Variants in LIN52 observed in about 807,000 individuals in gnomAD.
LIN52 encodes protein lin-52 homolog.
A neutral mutation model predicts 18.5 loss-of-function variants in LIN52; 4 were observed. The ratio of observed to expected loss-of-function variants is 0.22; its 90% confidence interval spans 0.11 to 0.49. The LOEUF (loss-of-function observed/expected upper bound fraction) is 0.49, where lower values mean the gene tolerates loss of function less well. LIN52 is among the 20% of genes least tolerant of loss of function. The pLI is 0.97. For synonymous variants in LIN52, 34 were observed against 45.5 expected, an observed-to-expected ratio of 0.75 and a Z score of 1.02; for missense variants, 102 against 139.5, an observed-to-expected ratio of 0.73 and a Z score of 1.35.
intron 5 of LIN52, among the ~76,000 whole-genome samples, chr14:74,165,194 G>A (rs1429764404): frequency 6.6e-6 from 1 of 152,106 alleles, no homozygotes; most frequent in African/African-American, 2.4e-5. Context: ...GTTAATTTAA[G>A]TTACCATGTA....
rs112440374 is a variant in LIN52 at position 74,104,516 on chromosome 14, G to A, written c.283+3278G>A. On this transcript the variant is annotated intron_variant, in intron 5 of 5. Coordinates refer to ENST00000555028, the MANE Select transcript of LIN52 (RefSeq NM_001024674.3). ...TTTTGTTGATTACATTCCTGTGGTA[G>A]AGCTTAACATGTTCACCTATCCCTT... is the stretch of plus-strand genomic sequence containing the variant. Among the ~76,000 whole-genome samples the A allele has an allele frequency of 2.0e-3, 296 of 150,564 alleles. 2 individuals are homozygous for A. Among genetic ancestry groups the A allele is most frequent in the African/African-American group, 6.9e-3 (284 of 41,138 alleles).
chr14:74,099,478 G>C (rs1192549655), intron 4 of LIN52, among the ~76,000 whole-genome samples: 1 of 152,084 alleles, frequency 6.6e-6, no homozygotes, highest in South Asian at 2.1e-4. Flanking sequence ...TTTTTAGTGA[G>C]GGATCATAGC....
chr14:74,121,720 ACTTT>A (rs2061000625), intron 5 of LIN52, among the ~76,000 whole-genome samples: 3 of 134,874 alleles, frequency 2.2e-5, no homozygotes, highest in African/African-American at 8.3e-5. Context: ...ACACACCTTC[ACTTT>A]CTTTTTTTTT....
At chr14:74,172,966 T>C (rs2061277933) in intron 5 of LIN52, among the ~76,000 whole-genome samples, 1 of 152,142 alleles carries the variant, frequency 6.6e-6, no homozygotes, top group South Asian at 2.1e-4. Flanking sequence ...TAAAATTGTA[T>C]CCAATAAATA....
intron 5 of LIN52, among the ~76,000 whole-genome samples, chr14:74,128,896 C>T (rs2061043923): frequency 6.6e-6 from 1 of 152,084 alleles, no homozygotes; most frequent in African/African-American, 2.4e-5. Flanking sequence ...GAGCCAAGAT[C>T]GCACCACTGC....
At chr14:74,086,624 C>A (rs1171934725) in intron 1 of LIN52, among the ~76,000 whole-genome samples, 1 of 151,574 alleles carries the variant, frequency 6.6e-6, no homozygotes, top group Non-Finnish European at 1.5e-5. Flanking sequence ...CACTGCACTC[C>A]AGTCTGTGTG....
At chr14:74,136,428 G>C (rs2061098211) in intron 5 of LIN52, among the ~76,000 whole-genome samples, 1 of 152,118 alleles carries the variant, frequency 6.6e-6, no homozygotes, top group East Asian at 1.9e-4. Context: ...TTATTACTAA[G>C]AATTTCTCTT....
rs1566856590 is a variant in LIN52, at chr14:74,130,289, T to TGTTTTTTTTTTTGTTTTTTTTTTG, written c.283+29051_283+29052insGTTTTTTTTTTTGTTTTTTTTTTG. On this transcript the variant is annotated intron_variant, in intron 5 of 5. Transcript: ENST00000555028. ...ATAGGCATTTTTTGGTTTTTTTTTT[T>TGTTTTTTTTTTTGTTTTTTTTTTG]TTTTTTTGAGACAGTCTCGCTCTTT... Among the ~76,000 whole-genome samples, 134 of 101,894 alleles carry TGTTTTTTTTTTTGTTTTTTTTTTG rather than the reference T, an allele frequency of 1.3e-3. 7 individuals are homozygous for TGTTTTTTTTTTTGTTTTTTTTTTG. The highest frequency in any genetic ancestry group is 4.4e-3 in the African/African-American group (131 of 29,858). The allele number at this position is 101,894 out of a possible 152,430, so 66.8% of individuals were successfully genotyped here. A position where few individuals can be genotyped will look rare whatever the true frequency, so the allele number is the denominator to read the frequency against.
intron 5 of LIN52, among the ~76,000 whole-genome samples, chr14:74,156,953 A>G (rs182825486): frequency 2.6e-5 from 4 of 151,734 alleles, no homozygotes; most frequent in Admixed American, 1.3e-4. Context: ...AGTTCCATCC[A>G]TGTTGCTGGG....
intron 2 of LIN52, among the ~76,000 whole-genome samples, chr14:74,091,994 A>C (rs965922483): frequency 6.6e-6 from 1 of 152,026 alleles, no homozygotes; most frequent in African/African-American, 2.4e-5. Flanking sequence ...TTTTGTTTGA[A>C]CCAGAGTCTC....
intron 5 of LIN52, among the ~76,000 whole-genome samples, chr14:74,165,754 C>G (rs965159827): frequency 2.5e-4 from 38 of 152,100 alleles, no homozygotes; most frequent in African/African-American, 8.7e-4. Context: ...AGTGATCCGC[C>G]CACCTCCGCC....
At chr14:74,165,455 A>G (rs2061244389) in intron 5 of LIN52, among the ~76,000 whole-genome samples, 1 of 151,524 alleles carries the variant, frequency 6.6e-6, no homozygotes, top group African/African-American at 2.4e-5. Context: ...AATCAGCTAA[A>G]CAGAGTGAAA....
intron 1 of LIN52, among the ~76,000 whole-genome samples, chr14:74,086,186 G>C (rs8009977): frequency 0.17 from 26,166 of 152,036 alleles, 2,762 homozygotes; most frequent in East Asian, 0.58. Context: ...TAAATTCCAA[G>C]TTTGTCTTGT....
At chr14:74,123,684 G>A (rs1313067047) in intron 5 of LIN52, among the ~76,000 whole-genome samples, 1 of 152,174 alleles carries the variant, frequency 6.6e-6, no homozygotes, top group Non-Finnish European at 1.5e-5. Context: ...CCTGCTACTA[G>A]TGTGCCCTTG....
intron 5 of LIN52, among the ~76,000 whole-genome samples, chr14:74,128,297 C>CA (rs1384421139): frequency 6.6e-6 from 1 of 151,984 alleles, no homozygotes; most frequent in Non-Finnish European, 1.5e-5. Context: ...CACAGGACAG[C>CA]AGAGTACCGG....
At chr14:74,124,765 T>G (rs1595165138) in intron 5 of LIN52, among the ~76,000 whole-genome samples, 1 of 137,844 alleles carries the variant, frequency 7.3e-6, no homozygotes, top group East Asian at 2.2e-4. Flanking sequence ...GAGCCAAGAT[T>G]GCACCACTGC....
chr14:74,131,642 G>A (rs1018817984), intron 5 of LIN52, among the ~76,000 whole-genome samples: 3 of 152,138 alleles, frequency 2.0e-5, no homozygotes, highest in African/African-American at 4.8e-5. Flanking sequence ...AATACATGCC[G>A]ATTTTATAGC....
intron 5 of LIN52, among the ~76,000 whole-genome samples, chr14:74,106,868 G>A (rs1300922074): frequency 6.6e-6 from 1 of 152,244 alleles, no homozygotes; most frequent in African/African-American, 2.4e-5. Flanking sequence ...TGGGATTACA[G>A]GTGTGAGCCA....
In LIN52 at chr14:74,130,278, G is replaced by GTGTTTTTTTTTTTTTTTTT. The variant is rs1566856480; in HGVS notation, c.283+29041_283+29042insGTTTTTTTTTTTTTTTTTT. Among the ~76,000 whole-genome samples, 57 of 64,818 alleles carry GTGTTTTTTTTTTTTTTTTT rather than the reference G, an allele frequency of 8.8e-4. 1 individual carries two copies. Among genetic ancestry groups the GTGTTTTTTTTTTTTTTTTT allele is most frequent in the Middle Eastern group, 0.011 (1 of 88 alleles). 42.5% of individuals were successfully genotyped at this position (64,818 alleles called of 152,430 possible). On this transcript the variant is annotated intron_variant, in intron 5 of 5. Transcript: ENST00000555028. Reference sequence around the variant, plus strand: ...GAATTTATTAGATAGGCATTTTTTGGTTTTTTTTTTTTTTTTTTGAGACAG... The same window carrying GTGTTTTTTTTTTTTTTTTT: ...GAATTTATTAGATAGGCATTTTTTGGTGTTTTTTTTTTTTTTTTTTTTTTTTTTTTTTTTTTTGAGACAG...
Sources: allele counts gnomAD v4.1 joint callset (sites outside exome capture counted in the v4.1 genomes callset), GRCh38; gene constraint gnomAD v4.1.1; transcripts MANE v1.5; gene names NCBI Gene and HGNC (gene_info 2026-07-23, HGNC 2026-07-21).